Variants in BCL2L13 observed in about 807,000 individuals in gnomAD.
BCL2L13 encodes BCL2 like 13.
In BCL2L13, 13 loss-of-function variants were observed where a neutral mutation model predicts 25.8. That is an observed-to-expected ratio of 0.50 (90% confidence interval 0.33 to 0.80). The LOEUF (loss-of-function observed/expected upper bound fraction) is 0.80, where lower values mean the gene tolerates loss of function less well. Ranked by LOEUF, BCL2L13 falls within the 30% of genes least tolerant of loss-of-function variation. The probability of loss-of-function intolerance (pLI) is 0.02; values close to 1 mark genes in which losing one functional copy is unlikely to be tolerated. For missense variants in BCL2L13, 504 were observed against 574.9 expected, an observed-to-expected ratio of 0.88 and a Z score of 1.26; for synonymous variants, 244 against 230.3, an observed-to-expected ratio of 1.06 and a Z score of -0.54.
intron 2 of BCL2L13, among the ~76,000 whole-genome samples, chr22:17,676,305 C>CA (rs11343596): frequency 3.0e-4 from 46 of 151,612 alleles, no homozygotes; most frequent in African/African-American, 1.0e-3. Context: ...CTACTAAAAA[C>CA]AAAAAAAAAT....
intron 3 of BCL2L13, 22 bp from the exon 4 acceptor site, chr22:17,688,964 T>G: frequency 6.2e-7 from 1 of 1,601,982 alleles, no homozygotes; most frequent in Non-Finnish European, 8.5e-7. Context: ...TATATTAGGT[T>G]TTTCTTTTGT....
In BCL2L13 at chr22:17,638,842, C is replaced by T. The variant is rs549667538; in HGVS notation, c.-95C>T. 39 of 1,232,118 alleles carry T rather than the reference C, an allele frequency of 3.2e-5. No individual in the cohort carries two copies. The highest frequency in any genetic ancestry group is 4.2e-5 in the Admixed American group (1 of 23,722). 76.3% of individuals were successfully genotyped at this position (1,232,118 alleles called of 1,614,324 possible). The stretch of plus-strand genomic sequence containing the variant: ...GGGGGACCCTGTCGGAAGCAACTGC[C>T]GCCGCCGCCTCTTTCATCTCTTCTG... On this transcript the variant is annotated 5_prime_UTR_variant, in exon 1 of 7. Transcript: ENST00000317582.
At chr22:17,691,858 A>G (rs1340439765) in intron 4 of BCL2L13, among the ~76,000 whole-genome samples, 1 of 148,220 alleles carries the variant, frequency 6.7e-6, no homozygotes. Context: ...GTCTTCTCAC[A>G]GCAAATTCTA....
intron 2 of BCL2L13, among the ~76,000 whole-genome samples, chr22:17,656,889 G>A (rs903389955): frequency 6.6e-6 from 1 of 152,030 alleles, no homozygotes; most frequent in East Asian, 1.9e-4. Context: ...CATGATTTTG[G>A]CTCACTGTAA....
At chr22:17,629,506 C>T (rs888186584) in intron 1 of BCL2L13, among the ~76,000 whole-genome samples, 1 of 152,086 alleles carries the variant, frequency 6.6e-6, no homozygotes, top group Non-Finnish European at 1.5e-5. Context: ...GGACAGAAAT[C>T]CCCCCAGGCT....
chr22:17,685,760 C>CTTTT lies in BCL2L13; in HGVS notation c.229+2465_229+2468dup, dbSNP rs1166792513. ...TATTGCCCAATAATTTTTTCTTTTTCTTTTTTTTTTTTTTTTTTTTTTTTT... is the reference window on the plus strand; with the variant it reads ...TATTGCCCAATAATTTTTTCTTTTTCTTTTTTTTTTTTTTTTTTTTTTTTTTTTT... On this transcript the variant is annotated intron_variant, in intron 3 of 6. Transcript: ENST00000317582. Among the ~76,000 whole-genome samples the CTTTT allele has an allele frequency of 5.7e-3, 346 of 60,560 alleles. 20 individuals carry two copies. The highest frequency in any genetic ancestry group is 0.027 in the Middle Eastern group (2 of 74). The allele number at this position is 60,560 out of a possible 152,430, so 39.7% of individuals were successfully genotyped here. A position where few individuals can be genotyped will look rare whatever the true frequency, so the allele number is the denominator to read the frequency against.
intron 2 of BCL2L13, among the ~76,000 whole-genome samples, chr22:17,678,662 G>A (rs2059644000): frequency 6.6e-6 from 1 of 152,166 alleles, no homozygotes; most frequent in Non-Finnish European, 1.5e-5. Context: ...TTACTACCGT[G>A]CCTGTTAAGT....
In BCL2L13 at chr22:17,727,253, A is replaced by C; in HGVS notation, c.1177A>C (p.Thr393Pro). The C allele has an allele frequency of 1.2e-6, 2 of 1,614,274 alleles. No individual in the cohort carries two copies. Among genetic ancestry groups the C allele is most frequent in the Non-Finnish European group, 1.7e-6 (2 of 1,180,054 alleles). Residue 393 changes from threonine to proline, a missense_variant, in exon 7 of 7, where the codon ACT (threonine) becomes CCT (proline). By Grantham distance (38) the Thr-to-Pro change is conservative (BLOSUM62 -1). Transcript: ENST00000317582. ...EEVKAATTEP[T>P]EVEEVVPALE... is the part of the protein sequence containing the mutation. ...GGTGAAAGCAGCAACAACTGAACCT[A>C]CTGAAGTGGAGGAGGTGGTCCCCGC...
Position 17,728,634 on chromosome 22 carries a change from T to C in BCL2L13, c.*1100T>C, listed in dbSNP as rs893389995. On this transcript the variant is annotated 3_prime_UTR_variant, in exon 7 of 7. Coordinates refer to ENST00000317582, the MANE Select transcript of BCL2L13 (RefSeq NM_015367.4). ...CTTGCTAGGGGGTAAGGATTTTTAT[T>C]CTTGGGCTTATAGAGCCAGTTAGAT... 1 of 152,232 alleles carries C rather than the reference T, an allele frequency of 6.6e-6. No individual in the cohort carries two copies. Among genetic ancestry groups the C allele is most frequent in the Non-Finnish European group, 1.5e-5 (1 of 68,038 alleles). 9.4% of individuals were successfully genotyped at this position (152,232 alleles called of 1,614,324 possible).
intron 6 of BCL2L13, among the ~76,000 whole-genome samples, chr22:17,721,626 G>A (rs754590442): frequency 4.7e-5 from 7 of 148,910 alleles, no homozygotes; most frequent in Non-Finnish European, 1.0e-4. Flanking sequence ...CTGGGTTCAA[G>A]CAATTCTCCT....
chr22:17,717,519 GC>G (rs1300699679), intron 6 of BCL2L13, among the ~76,000 whole-genome samples: 1 of 151,926 alleles, frequency 6.6e-6, no homozygotes, highest in African/African-American at 2.4e-5. Flanking sequence ...TAATTCCTGG[GC>G]TCAAGCTTAT....
chr22:17,683,349 A>G (rs778891665), intron 3 of BCL2L13, 28 bp downstream of exon 3: 6 of 1,303,814 alleles, frequency 4.6e-6, no homozygotes, highest in Admixed American at 2.1e-5. Context: ...TTTCTAGTTA[A>G]TAAGCAGATT....
At chr22:17,689,820 G>GT (rs2060050989) in intron 4 of BCL2L13, among the ~76,000 whole-genome samples, 2 of 146,610 alleles carry the variant, frequency 1.4e-5, no homozygotes. Context: ...TGCAGCCTGG[G>GT]TGACAGAGCG....
intron 1 of BCL2L13, chr22:17,629,120 C>G (rs555537560): frequency 6.3e-6 from 1 of 157,498 alleles, no homozygotes; most frequent in South Asian, 1.6e-4. Context: ...AATCCGGAGA[C>G]TTTGGGAGAC....
chr22:17,631,666 GTGTGTATATATATATATATATATATA>G (rs1373346910), intron 1 of BCL2L13, among the ~76,000 whole-genome samples: 5 of 21,414 alleles, frequency 2.3e-4, no homozygotes, highest in African/African-American at 8.4e-4. Context: ...GTATGTGTGT[GTGTGTATATATATATATATATATATA>G]TATATATATA....
intron 4 of BCL2L13, among the ~76,000 whole-genome samples, chr22:17,691,372 C>T (rs73378738): frequency 0.052 from 7,948 of 152,156 alleles, 355 homozygotes; most frequent in African/African-American, 0.12. Context: ...CCTGGCTGGG[C>T]GCGGTGGCTC....
chr22:17,719,656 C>T (rs1267865654), intron 6 of BCL2L13, among the ~76,000 whole-genome samples: 2 of 151,860 alleles, frequency 1.3e-5, no homozygotes. Flanking sequence ...TGGTGAAACC[C>T]CATCTCTACT....
Position 17,728,129 on chromosome 22 carries a change from C to CCT in BCL2L13, c.*595_*596insCT, listed in dbSNP as rs200714925. The CCT allele has an allele frequency of 5.9e-3, 911 of 155,056 alleles. 1 individual carries two copies. Among genetic ancestry groups the CCT allele is most frequent in the Non-Finnish European group, 9.2e-3 (652 of 71,026 alleles). 9.6% of individuals were successfully genotyped at this position (155,056 alleles called of 1,614,324 possible). A position where few individuals can be genotyped will look rare whatever the true frequency, so the allele number is the denominator to read the frequency against. Reference sequence around the variant, plus strand: ...CTGCACCCACTCTTTTTTTGCCCCCCGCCCTCATCCTGGAGTGTGAGGGTG... The same window carrying CCT: ...CTGCACCCACTCTTTTTTTGCCCCCCCTGCCCTCATCCTGGAGTGTGAGGGTG... On this transcript the variant is annotated 3_prime_UTR_variant, in exon 7 of 7. Transcript: ENST00000317582.
chr22:17,653,995 G>A (rs1400770852), intron 1 of BCL2L13, among the ~76,000 whole-genome samples: 1 of 151,950 alleles, frequency 6.6e-6, no homozygotes, highest in Non-Finnish European at 1.5e-5. Context: ...CTGAGGTCTG[G>A]TGATTTATCA....
Sources: gnomAD v4.1 joint callset for allele counts (sites outside exome capture counted in the v4.1 genomes callset) on GRCh38, gnomAD v4.1.1 for gene constraint, MANE v1.5 for transcripts, NCBI Gene and HGNC (gene_info 2026-07-23, HGNC 2026-07-21) for gene names.